Variants in BTD observed in about 807,000 individuals in gnomAD.
BTD encodes biocytinase.
Under a neutral mutation model 17.7 loss-of-function variants are expected in BTD, and 13 were observed. The observed-to-expected ratio is 0.74, with a 90% confidence interval of 0.48 to 1.17. BTD has a LOEUF of 1.17. Among genes scored for constraint, BTD ranks in the 50% most tolerant of loss-of-function variants. The pLI is 0.00. For missense variants in BTD, 674 were observed against 650.4 expected (o/e 1.04, Z -0.39); for synonymous variants, 240 against 245.2 (o/e 0.98, Z 0.20).
At chr3:15,700,643 G>A (rs1177464735) in intron 3 of BTD, among the ~76,000 whole-genome samples, 8 of 151,832 alleles carry the variant, frequency 5.3e-5, no homozygotes, top group Non-Finnish European at 1.0e-4. Flanking sequence ...GTGTGGTGGC[G>A]GGCGCCTGTA....
intron 3 of BTD, among the ~76,000 whole-genome samples, chr3:15,661,443 C>T (rs1433839844): frequency 6.6e-6 from 1 of 152,024 alleles, no homozygotes; most frequent in South Asian, 2.1e-4. Flanking sequence ...TTATTTGCCA[C>T]CTGTATCTTC....
At position 15,601,878 on chromosome 3, in the gene BTD, A is replaced by G. The variant is rs1454831418; in HGVS notation, c.-33A>G. The G allele has an allele frequency of 6.2e-7, 1 of 1,614,074 alleles. No homozygotes were observed. Among genetic ancestry groups the G allele is most frequent in the East Asian group, 2.2e-5 (1 of 44,876 alleles). ...GGCGCATGCGCATATTCAGGGCGGAAGGCGCGCTAAGAGCAGGTACGGAGG... is the reference window on the plus strand; with the variant it reads ...GGCGCATGCGCATATTCAGGGCGGAGGGCGCGCTAAGAGCAGGTACGGAGG... On this transcript the variant is annotated 5_prime_UTR_variant, in exon 1 of 4. Coordinates refer to ENST00000643237, the MANE Select transcript of BTD (RefSeq NM_001370658.1).
At position 15,690,184 on chromosome 3, in the gene BTD, C is replaced by G. The variant is rs373074737; in HGVS notation, c.400-19876C>G. On this transcript the variant is annotated intron_variant, in intron 3 of 3. Transcript: ENST00000672141. ...ACATCAAGATCTAACAAAGACTGTA[C>G]CAACACTTCCAGTGCTTGATGGTGA... The G allele has an allele frequency of 8.7e-5, 140 of 1,606,522 alleles. No individual in the cohort carries two copies. Among genetic ancestry groups the G allele is most frequent in the Non-Finnish European group, 1.1e-4 (131 of 1,176,200 alleles).
intron 1 of BTD, among the ~76,000 whole-genome samples, chr3:15,616,014 G>A (rs182827934): frequency 6.6e-6 from 1 of 151,948 alleles, no homozygotes. Flanking sequence ...ATATTCCATT[G>A]TCTGAATGTA....
intron 3 of BTD, chr3:15,679,626 A>G (rs2067310636): frequency 5.4e-6 from 7 of 1,293,710 alleles, no homozygotes; most frequent in Non-Finnish European, 7.7e-6. Context: ...AATCACAGGT[A>G]CATGTAAGTG....
At chr3:15,680,793 G>C (rs953091571) in intron 3 of BTD, among the ~76,000 whole-genome samples, 1 of 150,740 alleles carries the variant, frequency 6.6e-6, no homozygotes, top group African/African-American at 2.5e-5. Context: ...AGCCTCCTGA[G>C]TTGCTAAGAC....
downstream of BTD, chr3:15,713,547 T>G (rs770087014): frequency 3.1e-6 from 5 of 1,611,532 alleles, no homozygotes; most frequent in African/African-American, 6.7e-5. Flanking sequence ...CAGCACCACT[T>G]GTAATAAGAG....
chr3:15,620,783 G>T (rs2064929295), intron 1 of BTD, among the ~76,000 whole-genome samples: 1 of 152,134 alleles, frequency 6.6e-6, no homozygotes, highest in Non-Finnish European at 1.5e-5. Flanking sequence ...CTCCATTCAG[G>T]GTCCCTGACT....
At chr3:15,661,631 C>T (rs1446624168) in intron 3 of BTD, among the ~76,000 whole-genome samples, 1 of 152,150 alleles carries the variant, frequency 6.6e-6, no homozygotes, top group East Asian at 1.9e-4. Flanking sequence ...TCTCACAGAG[C>T]AGAAATTTAA....
chr3:15,642,209 T>A, intron 3 of BTD, 152 bp downstream of exon 3: 1 of 1,496,978 alleles, frequency 6.7e-7, no homozygotes, highest in Non-Finnish European at 8.9e-7. Flanking sequence ...GTGCCACATG[T>A]TCATTCCATT....
At chr3:15,640,486 G>A (rs995866520) in intron 2 of BTD, among the ~76,000 whole-genome samples, 2 of 151,940 alleles carry the variant, frequency 1.3e-5, no homozygotes, top group African/African-American at 2.4e-5. Context: ...TGCCTCCCGG[G>A]TTCCAGTGAT....
Position 15,645,926 on chromosome 3 carries a change from CA to C in BTD, c.*440del, listed in dbSNP as rs1356731680. On this transcript the variant is annotated 3_prime_UTR_variant, in exon 4 of 4. Coordinates refer to ENST00000643237, the MANE Select transcript of BTD (RefSeq NM_001370658.1). Reference sequence around the variant, plus strand: ...CTTAAACATTTCCTGAGGTAAGAAACAAGCTCTCAAAGCAAAAGCTCAATTA... The same window carrying C: ...CTTAAACATTTCCTGAGGTAAGAAACAGCTCTCAAAGCAAAAGCTCAATTA... The C allele has an allele frequency of 6.6e-6, 1 of 152,654 alleles. No individual in the cohort carries two copies. Among genetic ancestry groups the C allele is most frequent in the Admixed American group, 6.7e-5 (1 of 14,992 alleles). 9.5% of individuals were successfully genotyped at this position (152,654 alleles called of 1,614,324 possible).
chr3:15,609,548 C>T (rs969442657), intron 1 of BTD, among the ~76,000 whole-genome samples: 11 of 152,196 alleles, frequency 7.2e-5, no homozygotes, highest in Admixed American at 5.2e-4. Context: ...ATACTCCCAA[C>T]ATTTGTGTAT....
chr3:15,679,373 T>C lies in BTD; in HGVS notation c.400-30687T>C, dbSNP rs369791320. 3.1e-6 allele frequency: 5 copies of C among 1,614,004 alleles called. No individual in the cohort carries two copies. Among genetic ancestry groups the C allele is most frequent in the Non-Finnish European group, 1.7e-6 (2 of 1,179,874 alleles). On this transcript the variant is annotated intron_variant, in intron 3 of 3. Transcript: ENST00000672141. ...AATTAACATCTCAGCAGCACCTTCGTTGTCATTTATCCTGTGTAAGGTAAC... is the reference window on the plus strand; with the variant it reads ...AATTAACATCTCAGCAGCACCTTCGCTGTCATTTATCCTGTGTAAGGTAAC...
chr3:15,620,474 T>G (rs185743219), intron 1 of BTD, among the ~76,000 whole-genome samples: 1 of 152,316 alleles, frequency 6.6e-6, no homozygotes, highest in African/African-American at 2.4e-5. Flanking sequence ...CCACAGGCAG[T>G]CAGACCTTAT....
chr3:15,617,056 A>G (rs914879823), intron 1 of BTD, among the ~76,000 whole-genome samples: 2 of 152,060 alleles, frequency 1.3e-5, no homozygotes, highest in South Asian at 4.2e-4. Flanking sequence ...GATGGTCTTA[A>G]CCTCTTGACC....
At chr3:15,676,088 G>T in intron 3 of BTD, 1 of 946,992 alleles carries the variant, frequency 1.1e-6, no homozygotes, top group African/African-American at 1.6e-5. Flanking sequence ...AACTTGTGAA[G>T]ACCAAGAGGT....
rs1261129362 is a variant in BTD, at chr3:15,653,614, A to T, written c.*8126A>T. ...AATTATATTTACATTTTCTCTAAGT[A>T]CTGGAATGTAATGGTTGAAATTCCT... is the stretch of plus-strand genomic sequence containing the variant. On this transcript the variant is annotated 3_prime_UTR_variant, in exon 4 of 4. Transcript: ENST00000643237. Among the ~76,000 whole-genome samples, 5 of 152,236 alleles carry T rather than the reference A, an allele frequency of 3.3e-5. No homozygotes were observed. Among genetic ancestry groups the T allele is most frequent in the Non-Finnish European group, 5.9e-5 (4 of 68,038 alleles).
rs185357609 is a variant in BTD at position 15,663,203 on chromosome 3, A to G, written c.399+21146A>G. Among the ~76,000 whole-genome samples, 23 of 152,282 alleles carry G rather than the reference A, an allele frequency of 1.5e-4. No individual in the cohort carries two copies. In the East Asian group the frequency reaches 4.2e-3, roughly 28 times the overall value. On this transcript the variant is annotated intron_variant, in intron 3 of 3. Coordinates refer to the BTD transcript ENST00000672141. ...TAGAAACGGTTTCTCCATGTTGGTC[A>G]GGCTGGTCTCGAACTCCTCACCTCA...
Sources: allele counts gnomAD v4.1 joint callset (sites outside exome capture counted in the v4.1 genomes callset), GRCh38; gene constraint gnomAD v4.1.1; transcripts MANE v1.5; gene names NCBI Gene and HGNC (gene_info 2026-07-23, HGNC 2026-07-21).